TAPT1: variants seen among roughly 807,000 people sequenced by gnomAD.
TAPT1 encodes transmembrane anterior posterior transformation 1.
TAPT1 carries 28 observed loss-of-function variants against 65.6 expected under a neutral mutation model. The ratio of observed to expected loss-of-function variants is 0.43; its 90% CI spans 0.32 to 0.59. TAPT1 has a LOEUF of 0.59. Ranked by LOEUF, TAPT1 falls within the 20% of genes least tolerant of loss-of-function variation. The pLI, the probability that TAPT1 is intolerant of heterozygous loss-of-function variation, is 0.09. For missense variants in TAPT1, 563 were observed against 679.9 expected (o/e 0.83, Z 1.91); for synonymous variants, 278 against 245.2 (o/e 1.13, Z -1.25).
intron 4 of TAPT1, among the ~76,000 whole-genome samples, chr4:16,189,883 A>C (rs1197770125): frequency 1.3e-5 from 2 of 152,216 alleles, no homozygotes; most frequent in Non-Finnish European, 2.9e-5. Flanking sequence ...TAAGATGGAA[A>C]GCCTACGAAG....
chr4:16,171,506 T>C (rs1263457351), intron 11 of TAPT1, among the ~76,000 whole-genome samples: 1 of 152,192 alleles, frequency 6.6e-6, no homozygotes, highest in Non-Finnish European at 1.5e-5. Context: ...TCGTCTTATC[T>C]AGTAATGTCA....
chr4:16,169,190 A>T (rs954131394), intron 12 of TAPT1, among the ~76,000 whole-genome samples: 1 of 152,218 alleles, frequency 6.6e-6, no homozygotes, highest in African/African-American at 2.4e-5. Flanking sequence ...ATCCAGGTGG[A>T]GAAGTGAGGC....
upstream of TAPT1, chr4:16,226,615 G>T (rs1212532593): frequency 1.2e-5 from 4 of 336,116 alleles, no homozygotes; most frequent in Non-Finnish European, 1.7e-5. Flanking sequence ...TGGCGTCAGC[G>T]ACGCGTGTGA....
Position 16,209,048 on chromosome 4 carries a change from G to A in TAPT1, c.330+4720C>T, listed in dbSNP as rs1400814618. 3.9e-5 allele frequency among the ~76,000 whole-genome samples: 6 copies of A among 152,174 alleles called. No individual in the cohort carries two copies. The South Asian group carries it at 8.3e-4, about 21-fold the overall frequency. ...CTGGCTAATTTTTGTATTTTTTGTA[G>A]AGACAGCGTTTTGCCACATTGCCTA... On this transcript the variant is annotated intron_variant, in intron 2 of 13. Coordinates refer to ENST00000405303, the MANE Select transcript of TAPT1 (RefSeq NM_153365.3).
intron 2 of TAPT1, among the ~76,000 whole-genome samples, chr4:16,212,953 G>C (rs1452081520): frequency 6.6e-6 from 1 of 152,124 alleles, no homozygotes; most frequent in Non-Finnish European, 1.5e-5. Context: ...AGTACCTCTT[G>C]TTACTACAAT....
At chr4:16,175,504 T>G (rs1748264024) in intron 9 of TAPT1, among the ~76,000 whole-genome samples, 1 of 152,138 alleles carries the variant, frequency 6.6e-6, no homozygotes, top group South Asian at 2.1e-4. Context: ...CAGTAAAATC[T>G]AGAAAACTGT....
Position 16,163,370 on chromosome 4 carries a change from A to C in TAPT1, c.1642T>G (p.Ser548Ala), listed in dbSNP as rs1373825780. Residue 548 changes from serine (S) to alanine (A), a missense_variant, in exon 14 of 14, where the codon TCC (serine) becomes GCC (alanine). Ser to Ala is a moderately conservative substitution (Grantham distance 99, BLOSUM62 1). This residue lies in a region of TAPT1 where 136 missense variants were observed against 153.9 expected (regional missense o/e 0.88). Transcript: ENST00000405303. The part of the protein sequence containing the change: ...TQDNSELKHR[S>A]SKKDLLEIDR... ...ATCTCTAACAAATCTTTCTTTGAGG[A>C]TCTGTGTTTTAATTCAGAATTGTCC... is the stretch of plus-strand genomic sequence containing the variant. 1 of 1,613,830 alleles carries C rather than the reference A, an allele frequency of 6.2e-7. No homozygotes were observed. Among genetic ancestry groups the C allele is most frequent in the East Asian group, 2.2e-5 (1 of 44,886 alleles).
chr4:16,215,621 C>T (rs115597613), intron 1 of TAPT1, among the ~76,000 whole-genome samples: 6 of 152,160 alleles, frequency 3.9e-5, no homozygotes, highest in Non-Finnish European at 8.8e-5. Context: ...GCCAGCCTCA[C>T]GCAACAGGAG....
chr4:16,183,484 C>T (rs542997137), intron 7 of TAPT1, among the ~76,000 whole-genome samples: 44 of 152,000 alleles, frequency 2.9e-4, no homozygotes, highest in African/African-American at 7.5e-4. Flanking sequence ...CTGGGGAACC[C>T]GTTTATAAAA....
At chr4:16,215,195 G>A (rs1367629889) in intron 1 of TAPT1, among the ~76,000 whole-genome samples, 1 of 152,098 alleles carries the variant, frequency 6.6e-6, no homozygotes, top group Non-Finnish European at 1.5e-5. Context: ...GGAGGCTGAG[G>A]CAAGAGAATC....
intron 10 of TAPT1, 28 bp downstream of exon 10, chr4:16,174,642 T>G (rs533157570): frequency 6.4e-7 from 1 of 1,556,210 alleles, no homozygotes; most frequent in Non-Finnish European, 8.7e-7. Flanking sequence ...TTTGTTAATT[T>G]CAGACTACGC....
chr4:16,169,638 C>T (rs1747863269), intron 12 of TAPT1, among the ~76,000 whole-genome samples: 1 of 152,250 alleles, frequency 6.6e-6, no homozygotes, highest in Non-Finnish European at 1.5e-5. Context: ...GACCTACACA[C>T]AGCTCTGCAG....
In TAPT1 at chr4:16,191,634, T is replaced by C. The variant is rs77919821; in HGVS notation, c.450-111A>G. On this transcript the variant is annotated intron_variant, in intron 3 of 13. Transcript: ENST00000405303. Reference sequence around the variant, plus strand: ...CATACAAAGGTAAAAATAAGAATTATGTTGATCTTTTAAAAACTTCAAACA... The same window carrying C: ...CATACAAAGGTAAAAATAAGAATTACGTTGATCTTTTAAAAACTTCAAACA... 108 of 1,180,108 alleles carry C rather than the reference T, an allele frequency of 9.2e-5. No homozygotes were observed. The African/African-American group carries it at 1.5e-3, about 16-fold the overall frequency. The allele number at this position is 1,180,108 out of a possible 1,614,324, so 73.1% of individuals were successfully genotyped here.
chr4:16,172,798 G>C (rs1748088417), intron 11 of TAPT1, among the ~76,000 whole-genome samples: 1 of 151,800 alleles, frequency 6.6e-6, no homozygotes, highest in Non-Finnish European at 1.5e-5. Flanking sequence ...AAAAAAGACA[G>C]TTGCATTTGT....
chr4:16,178,252 T>G (rs1259114303), intron 8 of TAPT1, among the ~76,000 whole-genome samples: 1 of 152,194 alleles, frequency 6.6e-6, no homozygotes, highest in East Asian at 1.9e-4. Context: ...CCAGGTAGCC[T>G]GCTCGAGCTG....
chr4:16,220,692 T>C (rs1751204684), intron 1 of TAPT1, among the ~76,000 whole-genome samples: 1 of 149,512 alleles, frequency 6.7e-6, no homozygotes, highest in Non-Finnish European at 1.5e-5. Flanking sequence ...GAGGTTGCAG[T>C]GAGCCAAGAT....
At position 16,161,164 on chromosome 4, in the gene TAPT1, A is replaced by C. The variant is rs1334608222; in HGVS notation, c.*2144T>G. 6.5e-6 allele frequency: 1 copy of C among 152,686 alleles called. No homozygotes were observed. The highest frequency in any genetic ancestry group is 2.4e-5 in the African/African-American group (1 of 41,452). 9.5% of individuals were successfully genotyped at this position (152,686 alleles called of 1,614,324 possible). ...CAAAATTAAACATTTTGCCACCATT[A>C]AGACCAAAGCAATAATTCAAATTAA... On this transcript the variant is annotated 3_prime_UTR_variant, in exon 14 of 14. Transcript: ENST00000405303.
chr4:16,190,748 T>C (rs1321315978), intron 4 of TAPT1: 1 of 154,856 alleles, frequency 6.5e-6, no homozygotes, highest in Non-Finnish European at 1.5e-5. Flanking sequence ...AGTGAATGTA[T>C]ATCAGCTCAA....
chr4:16,207,358 C>T (rs1750409169), intron 2 of TAPT1, among the ~76,000 whole-genome samples: 1 of 152,226 alleles, frequency 6.6e-6, no homozygotes, highest in Non-Finnish European at 1.5e-5. Context: ...AACATATCCT[C>T]ACACTGACAT....
Sources: allele counts gnomAD v4.1 joint callset (sites outside exome capture counted in the v4.1 genomes callset), GRCh38; gene constraint gnomAD v4.1.1; regional missense constraint gnomAD v4.1.1; transcripts MANE v1.5; gene names NCBI Gene and HGNC (gene_info 2026-07-23, HGNC 2026-07-21).